FOXN4: variants seen among roughly 807,000 people sequenced by gnomAD.
FOXN4 encodes forkhead box N4, also known as forkhead box protein N4.
Under a neutral mutation model 45.0 loss-of-function variants are expected in FOXN4, and 12 were observed. The observed-to-expected ratio is 0.27, with a 90% confidence interval of 0.17 to 0.43. FOXN4 has a LOEUF of 0.43. Among genes scored for constraint, FOXN4 ranks in the 20% least tolerant of loss-of-function variants. The probability of loss-of-function intolerance (pLI) is 1.00; values close to 1 mark genes in which losing one functional copy is unlikely to be tolerated. For missense variants in FOXN4, 560 were observed against 694.9 expected (o/e 0.81, Z 2.18); for synonymous variants, 297 against 295.0 (o/e 1.01, Z -0.07).
At chr12:109,294,465 A>C (rs7294519) in intron 2 of FOXN4, among the ~76,000 whole-genome samples, 92,212 of 151,318 alleles carry the variant, frequency 0.61, 29,178 homozygotes, top group African/African-American at 0.77. Context: ...GTCGATGGCC[A>C]GGCCCCTGCT....
intron 2 of FOXN4, among the ~76,000 whole-genome samples, chr12:109,304,227 GAAAGAAAGAAAGAA>G (rs1566005509): frequency 2.5e-4 from 6 of 23,848 alleles, no homozygotes; most frequent in African/African-American, 1.0e-3. Flanking sequence ...GAAAGAGAAA[GAAAGAAAGAAAGAA>G]AGAAAGAAAG....
intron 2 of FOXN4, among the ~76,000 whole-genome samples, chr12:109,293,003 C>A (rs1451017705): frequency 2.0e-5 from 3 of 152,182 alleles, no homozygotes; most frequent in Admixed American, 2.0e-4. Flanking sequence ...AGCCCCACTC[C>A]TTCTGCAGCC....
At chr12:109,299,214 C>T (rs185638549) in intron 2 of FOXN4, among the ~76,000 whole-genome samples, 69 of 152,254 alleles carry the variant, frequency 4.5e-4, no homozygotes, top group African/African-American at 1.6e-3. Flanking sequence ...AATAGTTCAC[C>T]AGCAACTTCC....
At chr12:109,308,382 G>T in intron 1 of FOXN4, 58 bp from the exon 2 acceptor site, 1 of 1,178,374 alleles carries the variant, frequency 8.5e-7, no homozygotes, top group Non-Finnish European at 1.2e-6. Context: ...GGACAGGGCA[G>T]AAACCCACAG....
At chr12:109,298,344 GTT>G (rs71079539) in intron 2 of FOXN4, among the ~76,000 whole-genome samples, 6 of 131,832 alleles carry the variant, frequency 4.6e-5, no homozygotes, top group Admixed American at 7.5e-5. Context: ...TTTTTTTTTT[GTT>G]TTTTTTTTTT....
chr12:109,281,898 C>G, intron 8 of FOXN4, 99 bp from the exon 9 acceptor site: 1 of 1,367,144 alleles, frequency 7.3e-7, no homozygotes, highest in Non-Finnish European at 9.7e-7. Flanking sequence ...CCTGTGTGAC[C>G]TTAGCAAGCC....
rs1226301491 is a variant in FOXN4 at position 109,288,664 on chromosome 12, C to T, written c.233-484G>A. ...TGCCTCCTCTCCCCTTTGCCAAGCC[C>T]TGCTGCTCCACACAGGATGAGAATG... On this transcript the variant is annotated intron_variant, in intron 3 of 9. Transcript: ENST00000299162. This position sits in a 1 kb window ranked among gnomAD's most constrained non-coding sequence, Gnocchi z 4.3. Among the ~76,000 whole-genome samples, 1 of 152,234 alleles carries T rather than the reference C, an allele frequency of 6.6e-6. No homozygotes were observed. Among genetic ancestry groups the T allele is most frequent in the Non-Finnish European group, 1.5e-5 (1 of 68,038 alleles).
At chr12:109,292,536 C>T (rs534808157) in intron 2 of FOXN4, among the ~76,000 whole-genome samples, 4 of 152,258 alleles carry the variant, frequency 2.6e-5, no homozygotes, top group Non-Finnish European at 4.4e-5. Context: ...TAGCTGTTAT[C>T]GCATAGGATG....
chr12:109,298,435 C>T (rs1459537701), intron 2 of FOXN4, among the ~76,000 whole-genome samples: 1 of 150,072 alleles, frequency 6.7e-6, no homozygotes, highest in African/African-American at 2.5e-5. Flanking sequence ...GATCTCGGCT[C>T]ACTGCAACCT....
chr12:109,304,203 GAAAGA>G (rs1237354496), intron 2 of FOXN4, among the ~76,000 whole-genome samples: 82 of 81,666 alleles, frequency 1.0e-3, no homozygotes, highest in African/African-American at 3.2e-3. Context: ...AAAAAAAAAA[GAAAGA>G]AAAGAAAAGA....
At chr12:109,301,837 TAC>T (rs2047871618) in intron 2 of FOXN4, among the ~76,000 whole-genome samples, 1 of 152,244 alleles carries the variant, frequency 6.6e-6, no homozygotes, top group Admixed American at 6.5e-5. Flanking sequence ...ATCTATTACA[TAC>T]TCTCAAGTAT....
chr12:109,304,363 CTAAGA>C (rs2047902420), intron 2 of FOXN4, among the ~76,000 whole-genome samples: 2 of 152,078 alleles, frequency 1.3e-5, no homozygotes, highest in Admixed American at 6.5e-5. Flanking sequence ...GCTGCCCTTG[CTAAGA>C]TGTTTTGCAG....
chr12:109,308,190 T>C, intron 2 of FOXN4, 46 bp downstream of exon 2: 1 of 1,437,632 alleles, frequency 7.0e-7, no homozygotes. Flanking sequence ...TACAAACACT[T>C]TGAGCAATTA....
At chr12:109,307,175 T>G (rs866292399) in intron 2 of FOXN4, among the ~76,000 whole-genome samples, 9 of 152,320 alleles carry the variant, frequency 5.9e-5, no homozygotes, top group Middle Eastern at 3.4e-3. Context: ...GCAGCCTCCC[T>G]CTAATTGCGG....
At chr12:109,299,596 G>A (rs1319950105) in intron 2 of FOXN4, among the ~76,000 whole-genome samples, 3 of 152,154 alleles carry the variant, frequency 2.0e-5, no homozygotes, top group Admixed American at 2.0e-4. Flanking sequence ...TGCCACTAGA[G>A]CCCCTTTAGG....
intron 8 of FOXN4, among the ~76,000 whole-genome samples, chr12:109,284,297 G>C (rs868813842): frequency 6.6e-6 from 1 of 152,362 alleles, no homozygotes. Context: ...GGGTTGGGGA[G>C]GGGGAGGCCT....
chr12:109,285,883 T>G (rs2047705351), intron 7 of FOXN4, among the ~76,000 whole-genome samples: 1 of 146,606 alleles, frequency 6.8e-6, no homozygotes. Flanking sequence ...TTTTTTTTTT[T>G]GTGACAGGGT....
At chr12:109,284,779 TTG>T (rs1395565363) in intron 8 of FOXN4, among the ~76,000 whole-genome samples, 7 of 128,174 alleles carry the variant, frequency 5.5e-5, no homozygotes, top group African/African-American at 2.1e-4. Flanking sequence ...TTGTGTGCAT[TTG>T]TGTGTGTGCG....
rs2047624211 is a variant in FOXN4 at position 109,278,418 on chromosome 12, C to T, written c.*1253G>A. On this transcript the variant is annotated 3_prime_UTR_variant, in exon 10 of 10. Transcript: ENST00000299162. ...TTTTCACATTTGACTAGCTCACTCC[C>T]CTGTCTCTCTTCTAACCCAGCTATC... 1 of 152,246 alleles carries T rather than the reference C, an allele frequency of 6.6e-6. No individual in the cohort carries two copies. Among genetic ancestry groups the T allele is most frequent in the African/African-American group, 2.4e-5 (1 of 41,460 alleles). 9.4% of individuals were successfully genotyped at this position (152,246 alleles called of 1,614,324 possible).
Sources: allele counts gnomAD v4.1 joint callset (sites outside exome capture counted in the v4.1 genomes callset), GRCh38; gene constraint gnomAD v4.1.1; non-coding constraint Gnocchi (gnomAD v3.1); transcripts MANE v1.5; gene names NCBI Gene and HGNC (gene_info 2026-07-23, HGNC 2026-07-21).